The following FGF14 variants were observed in gnomAD, a reference collection of about 807,000 sequenced individuals.
FGF14 encodes the protein fibroblast growth factor homologous factor 4.
In FGF14, 5 loss-of-function variants were observed where a neutral mutation model predicts 25.5. The ratio of observed to expected loss-of-function variants is 0.20; its 90% CI spans 0.10 to 0.41. The LOEUF is 0.41. Ranked by LOEUF, FGF14 falls within the 10% of genes least tolerant of loss-of-function variation. The pLI is 1.00. For synonymous variants in FGF14, 138 were observed against 118.3 expected (o/e 1.17, Z -1.08); for missense variants, 222 against 320.1 (o/e 0.69, Z 2.34).
chr13:101,900,290 G>T (rs145368655), intron 1 of FGF14, among the ~76,000 whole-genome samples: 1 of 151,900 alleles, frequency 6.6e-6, no homozygotes, highest in Non-Finnish European at 1.5e-5. Context: ...TTAAAAGAAC[G>T]CAAATTTAAC....
intron 1 of FGF14, among the ~76,000 whole-genome samples, chr13:101,986,055 G>T (rs1047445599): frequency 6.6e-6 from 1 of 152,114 alleles, no homozygotes. Flanking sequence ...TTTGCCTGGA[G>T]AAGAAAACAC....
At chr13:102,302,079 G>C (rs1188428999) in intron 1 of FGF14, among the ~76,000 whole-genome samples, 1 of 152,076 alleles carries the variant, frequency 6.6e-6, no homozygotes, top group Non-Finnish European at 1.5e-5. Context: ...CACACTGCTT[G>C]TTCAAGAGCA....
chr13:101,837,176 G>A (rs945137220), intron 3 of FGF14, among the ~76,000 whole-genome samples: 5 of 151,934 alleles, frequency 3.3e-5, no homozygotes, highest in African/African-American at 1.2e-4. Flanking sequence ...ATATGTGTGT[G>A]TGTGTGTATG....
chr13:101,922,228 A>T (rs1334172190), intron 1 of FGF14, among the ~76,000 whole-genome samples: 1 of 152,142 alleles, frequency 6.6e-6, no homozygotes, highest in Non-Finnish European at 1.5e-5. Flanking sequence ...ACCTAAAGAG[A>T]TCCTTGATCT....
intron 1 of FGF14, among the ~76,000 whole-genome samples, chr13:102,179,654 C>T (rs1436430299): frequency 1.3e-5 from 2 of 152,136 alleles, no homozygotes; most frequent in Non-Finnish European, 2.9e-5. Flanking sequence ...GTTAAGTGAT[C>T]TGTTGTGAAG....
At chr13:101,898,820 G>A (rs2031114631) in intron 1 of FGF14, among the ~76,000 whole-genome samples, 1 of 152,172 alleles carries the variant, frequency 6.6e-6, no homozygotes, top group Admixed American at 6.5e-5. Flanking sequence ...TGATGGCACT[G>A]GAGAGCTTCC....
At chr13:101,724,224 C>G (rs538762933) in intron 4 of FGF14, among the ~76,000 whole-genome samples, 1 of 151,956 alleles carries the variant, frequency 6.6e-6, no homozygotes, top group Non-Finnish European at 1.5e-5. Context: ...CAATGATAGA[C>G]TGGATTAAGC....
upstream of FGF14, among the ~76,000 whole-genome samples, chr13:101,918,151 TGAAAATGTGAAGGTCCAAGA>T (rs1418274283): frequency 3.3e-5 from 5 of 152,020 alleles, no homozygotes; most frequent in Admixed American, 3.3e-4. Context: ...CCTGGATACC[TGAAAATGTGAAGGTCCAAGA>T]GAAAGGGCGG....
chr13:102,102,883 C>T (rs946196056), intron 1 of FGF14, among the ~76,000 whole-genome samples: 1 of 152,112 alleles, frequency 6.6e-6, no homozygotes, highest in African/African-American at 2.4e-5. Context: ...AACCTTTCTC[C>T]CCGCAGTATA....
At chr13:102,149,636 G>C (rs2046995134) in intron 1 of FGF14, among the ~76,000 whole-genome samples, 1 of 152,232 alleles carries the variant, frequency 6.6e-6, no homozygotes, top group African/African-American at 2.4e-5. Flanking sequence ...TGTTTGAAAG[G>C]AGACTTTCCA....
At chr13:101,937,984 C>A (rs1397954927) in intron 1 of FGF14, among the ~76,000 whole-genome samples, 1 of 152,192 alleles carries the variant, frequency 6.6e-6, no homozygotes, top group Non-Finnish European at 1.5e-5. Context: ...ATGAACTCAA[C>A]CCTTCTGTTA....
intron 1 of FGF14, among the ~76,000 whole-genome samples, chr13:102,096,791 T>C (rs1017844589): frequency 1.1e-4 from 17 of 149,982 alleles, no homozygotes; most frequent in African/African-American, 3.9e-4. Flanking sequence ...AGGAAACAGA[T>C]TCCTTATGCA....
At position 102,302,817 on chromosome 13, in the gene FGF14, A is replaced by G. The variant is rs144388332; in HGVS notation, c.208+98654T>C. ...CAAAACCACCCTTGTCCACCCAACC[A>G]TTATCTTGTGCCTGCACAATCTCTA... is the stretch of plus-strand genomic sequence containing the variant. On this transcript the variant is annotated intron_variant, in intron 1 of 4. Coordinates refer to the FGF14 transcript ENST00000376131. Among the ~76,000 whole-genome samples, 202 of 152,184 alleles carry G rather than the reference A, an allele frequency of 1.3e-3. 2 individuals are homozygous for G. Among genetic ancestry groups the G allele is most frequent in the African/African-American group, 4.6e-3 (192 of 41,530 alleles).
intron 1 of FGF14, among the ~76,000 whole-genome samples, chr13:102,341,840 A>T (rs2056961690): frequency 6.6e-6 from 1 of 152,150 alleles, no homozygotes; most frequent in Admixed American, 6.6e-5. Context: ...GAGTGAATAT[A>T]TTTAGAAAGG....
intron 1 of FGF14, among the ~76,000 whole-genome samples, chr13:102,344,581 T>C (rs2057047050): frequency 6.6e-6 from 1 of 152,264 alleles, no homozygotes; most frequent in Non-Finnish European, 1.5e-5. Context: ...TAAGACAACC[T>C]GTCAGTTTAA....
chr13:102,059,698 A>G (rs1431205732), intron 1 of FGF14, among the ~76,000 whole-genome samples: 1 of 152,158 alleles, frequency 6.6e-6, no homozygotes, highest in Non-Finnish European at 1.5e-5. Context: ...TAAAAATGCA[A>G]AACTTAGCCA....
intron 1 of FGF14, among the ~76,000 whole-genome samples, chr13:102,299,109 C>A (rs1025892830): frequency 1.3e-5 from 2 of 152,132 alleles, no homozygotes; most frequent in East Asian, 3.9e-4. Flanking sequence ...TCATTCTAAT[C>A]GAAGTTGAAT....
At chr13:102,265,247 G>T (rs2052931641) in intron 1 of FGF14, among the ~76,000 whole-genome samples, 1 of 151,758 alleles carries the variant, frequency 6.6e-6, no homozygotes, top group African/African-American at 2.4e-5. Flanking sequence ...GCGCTTTCTG[G>T]TATAAACTCC....
chr13:102,247,892 T>C (rs1431880766), intron 1 of FGF14, among the ~76,000 whole-genome samples: 5 of 152,164 alleles, frequency 3.3e-5, no homozygotes, highest in Non-Finnish European at 5.9e-5. Context: ...ATATATCCTA[T>C]GGGATACTAC....
Sources: allele counts gnomAD v4.1 joint callset (sites outside exome capture counted in the v4.1 genomes callset), GRCh38; gene constraint gnomAD v4.1.1; transcripts MANE v1.5; gene names NCBI Gene and HGNC (gene_info 2026-07-23, HGNC 2026-07-21).